The following TMEM132B variants were observed in gnomAD, a reference collection of about 807,000 sequenced individuals.
TMEM132B encodes transmembrane protein 132B.
Under a neutral mutation model 90.8 loss-of-function variants are expected in TMEM132B, and 18 were observed. The ratio of observed to expected loss-of-function variants is 0.20; its 90% CI spans 0.14 to 0.29. The LOEUF (loss-of-function observed/expected upper bound fraction) is 0.29, where lower values mean the gene tolerates loss of function less well. Among genes scored for constraint, TMEM132B ranks in the 10% least tolerant of loss-of-function variants. The pLI, the probability that TMEM132B is intolerant of heterozygous loss-of-function variation, is 1.00. For missense variants in TMEM132B, 1,096 were observed against 1,326.8 expected (o/e 0.83, Z 2.70); for synonymous variants, 504 against 523.3 (o/e 0.96, Z 0.50).
chr12:125,188,129 G>T (rs1957770512), intron 1 of TMEM132B, among the ~76,000 whole-genome samples: 1 of 152,188 alleles, frequency 6.6e-6, no homozygotes, highest in African/African-American at 2.4e-5. Flanking sequence ...GCCCTTAAGT[G>T]ACCCAAAATA....
At chr12:125,264,615 A>G (rs1442111479) in intron 1 of TMEM132B, among the ~76,000 whole-genome samples, 1 of 152,208 alleles carries the variant, frequency 6.6e-6, no homozygotes, top group African/African-American at 2.4e-5. Context: ...GGGGTCTCAG[A>G]AGCAGTTGGG....
At chr12:125,236,042 A>G (rs1873928501) in intron 1 of TMEM132B, among the ~76,000 whole-genome samples, 1 of 151,902 alleles carries the variant, frequency 6.6e-6, no homozygotes, top group African/African-American at 2.4e-5. Context: ...ACCTCAAGTG[A>G]TCCGCCCACC....
chr12:125,581,319 A>G (rs1885047935), intron 4 of TMEM132B, among the ~76,000 whole-genome samples: 1 of 152,198 alleles, frequency 6.6e-6, no homozygotes, highest in African/African-American at 2.4e-5. Flanking sequence ...ACCCAACTCA[A>G]ACTAACTTTA....
At chr12:125,273,117 A>T (rs939217636) in intron 1 of TMEM132B, among the ~76,000 whole-genome samples, 2 of 152,188 alleles carry the variant, frequency 1.3e-5, no homozygotes, top group Non-Finnish European at 2.9e-5. Context: ...CCATGTACCT[A>T]CTACTTAGTT....
chr12:125,555,442 A>T (rs1465969270), intron 4 of TMEM132B, among the ~76,000 whole-genome samples: 1 of 151,610 alleles, frequency 6.6e-6, no homozygotes, highest in Non-Finnish European at 1.5e-5. Flanking sequence ...AGAGTGCATC[A>T]TATTGAAACT....
rs1028144422 is a variant in TMEM132B at position 125,650,784 on chromosome 12, T to G, written c.1745T>G (p.Val582Gly). Reference sequence around the variant, plus strand: ...ACAGTGCGTGTCCTCACCCAGTTTGTGGCCGAGTCACCTGACTTAGGGCAG... The same window carrying G: ...ACAGTGCGTGTCCTCACCCAGTTTGGGGCCGAGTCACCTGACTTAGGGCAG... Reference protein sequence around the residue: ...HATVRVLTQFVAESPDLGQLT... With the variant: ...HATVRVLTQFGAESPDLGQLT... Residue 582 changes from valine (V) to glycine (G), a missense_variant, in exon 7 of 9, where the codon GTG becomes GGG. Coordinates refer to ENST00000682704, the MANE Select transcript of TMEM132B (RefSeq NM_001366854.1). 6.8e-6 allele frequency: 11 copies of G among 1,614,112 alleles called. No homozygotes were observed. In the African/African-American group the frequency reaches 1.5e-4, roughly 22 times the overall value.
intron 1 of TMEM132B, among the ~76,000 whole-genome samples, chr12:125,235,334 C>T (rs781037627): frequency 1.3e-5 from 2 of 152,142 alleles, no homozygotes; most frequent in Non-Finnish European, 2.9e-5. Flanking sequence ...TTACACTTCT[C>T]TTCACCTCCA....
At position 125,246,088 on chromosome 12, in the gene TMEM132B, C is replaced by T. The variant is rs564739546; in HGVS notation, c.67+59222C>T. Among the ~76,000 whole-genome samples the T allele has an allele frequency of 6.6e-6, 1 of 152,348 alleles. No homozygotes were observed. The highest frequency in any genetic ancestry group is 2.1e-4 in the South Asian group (1 of 4,832). On this transcript the variant is annotated intron_variant, in intron 1 of 8. Transcript: ENST00000682704. The surrounding 1 kb of genome is among the most constrained non-coding windows in gnomAD (Gnocchi z 4.2). ...ATTCCACTGACCAGTGGGGATTGAT[C>T]TGGGCCCTGGCAGTGACTGGCGCTG...
At chr12:125,232,675 AT>A (rs1213370052) in intron 1 of TMEM132B, among the ~76,000 whole-genome samples, 5 of 152,108 alleles carry the variant, frequency 3.3e-5, no homozygotes, top group Non-Finnish European at 7.4e-5. Flanking sequence ...CACATTGTGC[AT>A]TTTTTCTCTC....
chr12:125,197,704 A>G (rs757324557), intron 1 of TMEM132B, among the ~76,000 whole-genome samples: 1 of 152,228 alleles, frequency 6.6e-6, no homozygotes, highest in Non-Finnish European at 1.5e-5. Context: ...ATGTTCAAGT[A>G]GGGAATGCTC....
chr12:125,493,256 AG>A (rs1412135251), intron 3 of TMEM132B, among the ~76,000 whole-genome samples: 1 of 152,182 alleles, frequency 6.6e-6, no homozygotes, highest in East Asian at 1.9e-4. Flanking sequence ...AAAAACATCT[AG>A]GGGAAGACAT....
At chr12:125,388,087 G>A (rs1336621014) in intron 2 of TMEM132B, among the ~76,000 whole-genome samples, 1 of 152,068 alleles carries the variant, frequency 6.6e-6, no homozygotes, top group Admixed American at 6.5e-5. Flanking sequence ...TTTGGTTGTG[G>A]GGGAGGTTGT....
intron 4 of TMEM132B, among the ~76,000 whole-genome samples, chr12:125,542,833 T>C (rs1883990311): frequency 6.6e-6 from 1 of 152,230 alleles, no homozygotes; most frequent in Admixed American, 6.5e-5. Flanking sequence ...TTGCTTTCTG[T>C]TCTTTTGAGT....
intron 3 of TMEM132B, among the ~76,000 whole-genome samples, chr12:125,469,788 C>A (rs980667412): frequency 1.2e-4 from 19 of 152,152 alleles, no homozygotes; most frequent in Admixed American, 9.8e-4. Flanking sequence ...TAAAAGTATT[C>A]TTTCTCTGAT....
rs12304400 is a variant in TMEM132B, at chr12:125,644,028, T to C, written c.1438-48T>C. On this transcript the variant is annotated intron_variant, in intron 5 of 8. Transcript: ENST00000682704. Reference sequence around the variant, plus strand: ...ACTTTCACTGTTGTTGTTTTTTCCTTGTGCTTTTCCTACTGATGCATCTCA... The same window carrying C: ...ACTTTCACTGTTGTTGTTTTTTCCTCGTGCTTTTCCTACTGATGCATCTCA... 5,432 of 1,563,676 alleles carry C rather than the reference T, an allele frequency of 3.5e-3. 187 individuals are homozygous for C. The African/African-American group carries it at 0.065, about 19-fold the overall frequency.
intron 3 of TMEM132B, among the ~76,000 whole-genome samples, chr12:125,429,975 A>T (rs77401447): frequency 0.035 from 5,259 of 152,146 alleles, 131 homozygotes; most frequent in Middle Eastern, 0.058. Context: ...GTATATACAG[A>T]TGTATTTGGA....
chr12:125,642,637 C>T (rs1214926192), intron 5 of TMEM132B, among the ~76,000 whole-genome samples: 1 of 152,210 alleles, frequency 6.6e-6, no homozygotes, highest in East Asian at 1.9e-4. Context: ...TCCAGTAACT[C>T]TTCAGCAATC....
intron 5 of TMEM132B, among the ~76,000 whole-genome samples, chr12:125,625,738 A>AG (rs1482249387): frequency 6.6e-6 from 1 of 152,244 alleles, no homozygotes. Flanking sequence ...CTGTTTTCAA[A>AG]GGCAGTTGTA....
rs757846288 is a variant in TMEM132B, at chr12:125,459,002, TC to T, written c.1106+43331del. Among the ~76,000 whole-genome samples, 13 of 152,148 alleles carry T rather than the reference TC, an allele frequency of 8.5e-5. No homozygotes were observed. Among genetic ancestry groups the T allele is most frequent in the Middle Eastern group, 6.8e-3 (2 of 294 alleles). ...GTCATGGAGCTCAGATTCCCTGTGG[TC>T]CCCCCATGTGCAATTAGCATCTTCG... On this transcript the variant is annotated intron_variant, in intron 3 of 8. Transcript: ENST00000682704. This position sits in a 1 kb window ranked among gnomAD's most constrained non-coding sequence, Gnocchi z 4.1.
Sources: allele counts gnomAD v4.1 joint callset (sites outside exome capture counted in the v4.1 genomes callset), GRCh38; gene constraint gnomAD v4.1.1; non-coding constraint Gnocchi (gnomAD v3.1); transcripts MANE v1.5; gene names NCBI Gene and HGNC (gene_info 2026-07-23, HGNC 2026-07-21).